AKAP13: variants seen among roughly 807,000 people sequenced by gnomAD.
The protein encoded by AKAP13 is A-kinase anchoring protein 13, also known as A-kinase anchor protein 13.
AKAP13 carries 80 observed loss-of-function variants against 264.5 expected under a neutral mutation model. The ratio of observed to expected loss-of-function variants is 0.30; its 90% CI spans 0.25 to 0.36. The LOEUF (loss-of-function observed/expected upper bound fraction) is 0.36, where lower values mean the gene tolerates loss of function less well. AKAP13 is among the 10% of genes least tolerant of loss of function. The pLI, the probability that AKAP13 is intolerant of heterozygous loss-of-function variation, is 1.00. For missense variants in AKAP13, 3,712 were observed against 3,435.2 expected (o/e 1.08, Z -2.01); for synonymous variants, 1,380 against 1,250.2 (o/e 1.10, Z -2.19).
intron 33 of AKAP13, among the ~76,000 whole-genome samples, chr15:85,739,826 AT>A (rs2088826107): frequency 6.6e-6 from 1 of 152,122 alleles, no homozygotes; most frequent in African/African-American, 2.4e-5. Context: ...AATTTAGCCA[AT>A]TTTCTCAGAA....
At chr15:85,603,370 C>T (rs550828889) in intron 8 of AKAP13, among the ~76,000 whole-genome samples, 7 of 152,354 alleles carry the variant, frequency 4.6e-5, no homozygotes, top group Admixed American at 3.9e-4. Context: ...TGTGCTAAGG[C>T]ACCATCAGTG....
At chr15:85,438,292 A>G (rs1365942350) in intron 1 of AKAP13, among the ~76,000 whole-genome samples, 1 of 139,974 alleles carries the variant, frequency 7.1e-6, no homozygotes, top group Non-Finnish European at 1.5e-5. Flanking sequence ...GGAGAACTAC[A>G]AACCACTGCT....
At chr15:85,388,430 T>G (rs2070694059) in intron 1 of AKAP13, among the ~76,000 whole-genome samples, 1 of 152,126 alleles carries the variant, frequency 6.6e-6, no homozygotes, top group South Asian at 2.1e-4. Context: ...ATCCTTTCCT[T>G]TTTCCTGATG....
Position 85,717,286 on chromosome 15 carries a change from C to A in AKAP13, c.5736-4C>A, listed in dbSNP as rs950968992. 1.3e-6 allele frequency: 2 copies of A among 1,595,592 alleles called. No homozygotes were observed. The highest frequency in any genetic ancestry group is 1.7e-6 in the Non-Finnish European group (2 of 1,169,882). On this transcript the variant is annotated splice_region_variant and splice_polypyrimidine_tract_variant and intron_variant, in intron 20 of 36. Coordinates refer to ENST00000394518, the MANE Select transcript of AKAP13 (RefSeq NM_007200.5). ...GACAGTATGTATTTTTCTTTTGTCC[C>A]CAGAGTTGGCAATGATGAGAACATG... is the stretch of plus-strand genomic sequence containing the variant.
chr15:85,695,179 C>T (rs767265693), intron 17 of AKAP13, among the ~76,000 whole-genome samples: 31 of 152,190 alleles, frequency 2.0e-4, no homozygotes, highest in Non-Finnish European at 3.1e-4. Context: ...CCGAGGTGAG[C>T]GGATCACCTG....
In AKAP13 at chr15:85,741,170, A is replaced by C. The variant is rs1446454384; in HGVS notation, c.7733A>C (p.Glu2578Ala). 6.2e-7 allele frequency: 1 copy of C among 1,612,684 alleles called. No individual in the cohort carries two copies. The highest frequency in any genetic ancestry group is 1.7e-5 in the Admixed American group (1 of 59,820). The change falls in exon 35 of 37, where the codon GAG becomes GCG. Residue 2578 changes from glutamate to alanine, a missense_variant. This residue lies in a region of AKAP13 where 611 missense variants were observed against 539.3 expected (regional missense o/e 1.13). Transcript: ENST00000394518. ...GAGCAGGAGAAGCAGCGCAGCCTGG[A>C]GAAGCAGCGCCAGGACCTGGCCAAC... The part of the protein sequence containing the change: ...LIEQEKQRSL[E>A]KQRQDLANLQ...
At chr15:85,382,759 T>C (rs576240650) in intron 1 of AKAP13, among the ~76,000 whole-genome samples, 1 of 152,344 alleles carries the variant, frequency 6.6e-6, no homozygotes, top group African/African-American at 2.4e-5. Context: ...ATAGACCTTA[T>C]TTAGCTTTTT....
At chr15:85,414,649 A>G (rs1443159702) in intron 1 of AKAP13, among the ~76,000 whole-genome samples, 1 of 152,222 alleles carries the variant, frequency 6.6e-6, no homozygotes, top group Non-Finnish European at 1.5e-5. Context: ...GGTAGACTAC[A>G]TGTTTTGTTA....
chr15:85,497,786 T>C (rs4514633), intron 2 of AKAP13, among the ~76,000 whole-genome samples: 1 of 151,870 alleles, frequency 6.6e-6, no homozygotes, highest in African/African-American at 2.4e-5. Context: ...TCAGCACTGA[T>C]AAAGGAAGTA....
At chr15:85,732,654 G>T (rs2088138075) in intron 30 of AKAP13, among the ~76,000 whole-genome samples, 1 of 149,938 alleles carries the variant, frequency 6.7e-6, no homozygotes, top group Admixed American at 6.7e-5. Flanking sequence ...GCAAATCCTT[G>T]TTCTTAAGGA....
chr15:85,521,564 CCATTG>C lies in AKAP13; in HGVS notation c.172_176del (p.Ile58SerfsTer4). 1 of 1,613,908 alleles carries C rather than the reference CCATTG, an allele frequency of 6.2e-7. No individual in the cohort carries two copies. The highest frequency in any genetic ancestry group is 8.5e-7 in the Non-Finnish European group (1 of 1,179,882). On this transcript the variant is annotated frameshift_variant, in exon 3 of 37. Coordinates refer to ENST00000394518, the MANE Select transcript of AKAP13 (RefSeq NM_007200.5). LOFTEE classifies it high-confidence loss of function. ...AAGGTCAGTTCTGATACATTGGAGA[CCATTG>C]CTCCTGGTAAGTATTTGAATGGGAT...
intron 23 of AKAP13, among the ~76,000 whole-genome samples, chr15:85,720,292 T>C (rs1180666944): frequency 6.9e-6 from 1 of 145,074 alleles, no homozygotes; most frequent in African/African-American, 2.5e-5. Flanking sequence ...GTGTGTGTGT[T>C]GGAAATCTTC....
At chr15:85,736,398 C>T (rs528035658) in intron 33 of AKAP13, among the ~76,000 whole-genome samples, 20 of 150,486 alleles carry the variant, frequency 1.3e-4, no homozygotes, top group Middle Eastern at 3.5e-3. Flanking sequence ...ATTCTCTGTC[C>T]TTAAGGAAGC....
At chr15:85,558,576 A>G (rs2078234876) in intron 5 of AKAP13, among the ~76,000 whole-genome samples, 1 of 152,290 alleles carries the variant, frequency 6.6e-6, no homozygotes, top group African/African-American at 2.4e-5. Context: ...TGGAAAAGCT[A>G]GTTTACAGAG....
chr15:85,630,387 A>G (rs115150510), intron 8 of AKAP13, among the ~76,000 whole-genome samples: 6,706 of 152,214 alleles, frequency 0.044, 227 homozygotes, highest in East Asian at 0.18. Context: ...GTGGTGTTCC[A>G]TTCACTGTCA....
intron 1 of AKAP13, among the ~76,000 whole-genome samples, chr15:85,426,502 T>A (rs1381005027): frequency 1.3e-5 from 2 of 152,232 alleles, no homozygotes; most frequent in Non-Finnish European, 2.9e-5. Context: ...TTTTGTTTTT[T>A]TTTGGGTTAT....
intron 17 of AKAP13, chr15:85,702,828 G>A (rs979760009): frequency 3.3e-5 from 5 of 152,180 alleles, no homozygotes; most frequent in African/African-American, 9.7e-5. Context: ...TCTCTATTAT[G>A]TAAAGCTGTC....
intron 17 of AKAP13, chr15:85,702,478 T>C (rs931357723): frequency 1.3e-5 from 2 of 152,170 alleles, no homozygotes; most frequent in Non-Finnish European, 2.9e-5. Flanking sequence ...TCGCGTCTCA[T>C]GTCCAGGATC....
At chr15:85,381,521 CTTTT>C (rs1168869870) in intron 1 of AKAP13, among the ~76,000 whole-genome samples, 9 of 64,290 alleles carry the variant, frequency 1.4e-4, no homozygotes, top group Non-Finnish European at 2.1e-4. Context: ...CGGTTTACTG[CTTTT>C]TTTTTTTTTT....
Sources: gnomAD v4.1 joint callset for allele counts (sites outside exome capture counted in the v4.1 genomes callset) on GRCh38, gnomAD v4.1.1 for gene constraint, gnomAD v4.1.1 regional missense constraint, MANE v1.5 for transcripts, NCBI Gene and HGNC (gene_info 2026-07-23, HGNC 2026-07-21) for gene names.